Variants in NEGR1 observed in about 807,000 individuals in gnomAD.
NEGR1 encodes IgLON family member 4.
Under a neutral mutation model 40.9 loss-of-function variants are expected in NEGR1, and 10 were observed. The ratio of observed to expected loss-of-function variants is 0.24; its 90% confidence interval spans 0.15 to 0.42. The LOEUF is 0.42. Ranked by LOEUF, NEGR1 falls within the 10% of genes least tolerant of loss-of-function variation. NEGR1 has a pLI of 1.00. For synonymous variants in NEGR1, 185 were observed against 166.8 expected (o/e 1.11, Z -0.84); for missense variants, 352 against 438.9 (o/e 0.80, Z 1.77).
intron 1 of NEGR1, among the ~76,000 whole-genome samples, chr1:72,001,779 G>T (rs901249638): frequency 4.6e-5 from 7 of 151,692 alleles, no homozygotes; most frequent in African/African-American, 1.7e-4. Flanking sequence ...ATGGAAAAGT[G>T]ATTGCCAATA....
At chr1:72,251,714 C>T (rs1218985135) in intron 1 of NEGR1, among the ~76,000 whole-genome samples, 18 of 151,736 alleles carry the variant, frequency 1.2e-4, no homozygotes, top group Admixed American at 1.2e-3. Context: ...GTTTTTTTTC[C>T]AGATATTTTG....
At chr1:71,882,726 G>GAA (rs199916045) in intron 2 of NEGR1, among the ~76,000 whole-genome samples, 121 of 120,238 alleles carry the variant, frequency 1.0e-3, no homozygotes, top group East Asian at 2.5e-3. Context: ...ATCGTCTTCA[G>GAA]AAAAAAAAAA....
chr1:72,192,687 C>T (rs190713495), intron 1 of NEGR1, among the ~76,000 whole-genome samples: 29 of 151,886 alleles, frequency 1.9e-4, no homozygotes, highest in African/African-American at 6.7e-4. Context: ...TGTATTACCA[C>T]TATTATATCA....
intron 3 of NEGR1, among the ~76,000 whole-genome samples, chr1:71,741,313 C>T (rs1655205657): frequency 1.3e-5 from 2 of 152,004 alleles, no homozygotes; most frequent in Admixed American, 6.6e-5. Context: ...ATGAACATTG[C>T]AAAAATAATA....
chr1:71,817,908 T>G lies in NEGR1; in HGVS notation c.410-41611A>C, dbSNP rs184862491. ...TGAAATGCAGCTAGTTTAACCTATA[T>G]GTATTGGGGCCAACAGGCATATGAA... On this transcript the variant is annotated intron_variant, in intron 2 of 6. Transcript: ENST00000357731. Among the ~76,000 whole-genome samples, 16 of 152,080 alleles carry G rather than the reference T, an allele frequency of 1.1e-4. 1 individual carries two copies. The East Asian group carries it at 2.7e-3, about 26-fold the overall frequency.
At chr1:71,434,245 T>G (rs1283030080) in intron 6 of NEGR1, among the ~76,000 whole-genome samples, 1 of 152,230 alleles carries the variant, frequency 6.6e-6, no homozygotes, top group African/African-American at 2.4e-5. Flanking sequence ...TAGTCTATTT[T>G]GTCATTTACT....
intron 1 of NEGR1, among the ~76,000 whole-genome samples, chr1:72,156,700 C>A (rs920825655): frequency 6.6e-6 from 1 of 151,906 alleles, no homozygotes; most frequent in Non-Finnish European, 1.5e-5. Flanking sequence ...TAATTTCTGC[C>A]CAATGTAAAG....
intron 1 of NEGR1, among the ~76,000 whole-genome samples, chr1:71,964,188 A>C (rs1201825071): frequency 1.3e-5 from 2 of 152,184 alleles, no homozygotes; most frequent in Non-Finnish European, 2.9e-5. Context: ...CACATCGCCC[A>C]TGCCACAGAT....
At chr1:72,110,796 G>A (rs954528632) in intron 1 of NEGR1, among the ~76,000 whole-genome samples, 3 of 151,010 alleles carry the variant, frequency 2.0e-5, no homozygotes, top group Admixed American at 6.6e-5. Flanking sequence ...CACTTTTTCT[G>A]GTCATTTTTA....
chr1:71,664,052 A>G (rs182002981), intron 4 of NEGR1, among the ~76,000 whole-genome samples: 2 of 152,216 alleles, frequency 1.3e-5, no homozygotes, highest in Non-Finnish European at 2.9e-5. Context: ...TGATGGAAAC[A>G]TCTAGTGAAC....
At chr1:71,557,881 T>C (rs960564293) in intron 6 of NEGR1, among the ~76,000 whole-genome samples, 6 of 151,570 alleles carry the variant, frequency 4.0e-5, no homozygotes, top group Non-Finnish European at 7.4e-5. Flanking sequence ...TTTTCATGTC[T>C]CTTGATCTCC....
At chr1:71,804,458 T>A (rs1244155041) in intron 2 of NEGR1, among the ~76,000 whole-genome samples, 1 of 151,940 alleles carries the variant, frequency 6.6e-6, no homozygotes, top group Non-Finnish European at 1.5e-5. Context: ...CACAGTGTTG[T>A]GGGAAGTCAG....
chr1:71,629,303 T>A (rs887586816), intron 4 of NEGR1, among the ~76,000 whole-genome samples: 2 of 152,046 alleles, frequency 1.3e-5, no homozygotes, highest in African/African-American at 4.8e-5. Context: ...GGGATAGCAT[T>A]GAATCTATAA....
At chr1:72,274,717 A>G in intron 1 of NEGR1, 2 of 1,027,074 alleles carry the variant, frequency 1.9e-6, no homozygotes, top group East Asian at 2.4e-5. Context: ...GCAGAATGGA[A>G]AAGTAATTGG....
At chr1:72,148,931 C>A (rs1651014325) in intron 1 of NEGR1, among the ~76,000 whole-genome samples, 1 of 152,194 alleles carries the variant, frequency 6.6e-6, no homozygotes, top group African/African-American at 2.4e-5. Flanking sequence ...GCCCTCCAAA[C>A]TGTTCCAGCC....
At chr1:72,068,303 G>T (rs1647329055) in intron 1 of NEGR1, among the ~76,000 whole-genome samples, 2 of 152,076 alleles carry the variant, frequency 1.3e-5, no homozygotes, top group African/African-American at 4.8e-5. Flanking sequence ...TTGAGCCCTG[G>T]CATTGTCCCA....
At chr1:71,507,810 C>T (rs1647045553) in intron 6 of NEGR1, among the ~76,000 whole-genome samples, 1 of 152,074 alleles carries the variant, frequency 6.6e-6, no homozygotes, top group Non-Finnish European at 1.5e-5. Flanking sequence ...ATTATCACAC[C>T]CCTTGGCATC....
chr1:71,474,711 C>G (rs1646807903), intron 6 of NEGR1, among the ~76,000 whole-genome samples: 2 of 79,852 alleles, frequency 2.5e-5, no homozygotes, highest in Non-Finnish European at 5.0e-5. Flanking sequence ...GAGCGAGACT[C>G]TATCTCAAAA....
At chr1:72,015,899 A>G (rs1164574677) in intron 1 of NEGR1, among the ~76,000 whole-genome samples, 4 of 152,172 alleles carry the variant, frequency 2.6e-5, no homozygotes, top group Non-Finnish European at 5.9e-5. Flanking sequence ...GAATAAAAAC[A>G]GGCCACTAAA....
Sources: gnomAD v4.1 joint callset for allele counts (sites outside exome capture counted in the v4.1 genomes callset) on GRCh38, gnomAD v4.1.1 for gene constraint, MANE v1.5 for transcripts, NCBI Gene and HGNC (gene_info 2026-07-23, HGNC 2026-07-21) for gene names.